CAMK2D: variants seen among roughly 807,000 people sequenced by gnomAD.
CAMK2D encodes calcium/calmodulin-dependent protein kinase type II subunit delta.
In CAMK2D, 37 loss-of-function variants were observed where a neutral mutation model predicts 84.0. The observed-to-expected ratio is 0.44, with a 90% CI of 0.34 to 0.58. The LOEUF (loss-of-function observed/expected upper bound fraction) is 0.58. Ranked by LOEUF, CAMK2D falls within the 20% of genes least tolerant of loss-of-function variation. The pLI is 0.02. For missense variants in CAMK2D, 448 were observed against 652.5 expected (o/e 0.69, Z 3.41); for synonymous variants, 202 against 212.5 (o/e 0.95, Z 0.43).
intron 16 of CAMK2D, 70 bp downstream of exon 16, chr4:113,500,393 A>T: frequency 1.1e-6 from 1 of 878,430 alleles, no homozygotes. Context: ...TAGTTATTTG[A>T]AGCACTTTTT....
intron 2 of CAMK2D, among the ~76,000 whole-genome samples, chr4:113,704,376 T>C (rs1412741291): frequency 6.6e-6 from 1 of 152,026 alleles, no homozygotes; most frequent in Non-Finnish European, 1.5e-5. Context: ...ATTGACTTTA[T>C]TGTTTTATAT....
rs188226334 is a variant in CAMK2D, at chr4:113,595,832, C to G, written c.275+13320G>C. 3.3e-5 allele frequency among the ~76,000 whole-genome samples: 5 copies of G among 152,298 alleles called. No individual in the cohort carries two copies. In the East Asian group the frequency reaches 9.6e-4, roughly 29 times the overall value. ...TTTTTACTGGTGGAGGTTCTCGCCT[C>G]AGTGTTGATGGTGCTGACTGATGGG... On this transcript the variant is annotated intron_variant, in intron 4 of 20. Transcript: ENST00000511664.
chr4:113,541,467 T>C (rs1342813404), intron 6 of CAMK2D, among the ~76,000 whole-genome samples: 1 of 152,232 alleles, frequency 6.6e-6, no homozygotes, highest in Non-Finnish European at 1.5e-5. Context: ...TATTAATAAA[T>C]TGATTTGGCA....
At chr4:113,483,152 C>G (rs1166265855) in intron 16 of CAMK2D, among the ~76,000 whole-genome samples, 1 of 152,166 alleles carries the variant, frequency 6.6e-6, no homozygotes, top group Non-Finnish European at 1.5e-5. Context: ...GGGAAATGCA[C>G]TAGCAGATAT....
At chr4:113,734,407 T>C (rs1335332383) in intron 2 of CAMK2D, among the ~76,000 whole-genome samples, 1 of 152,194 alleles carries the variant, frequency 6.6e-6, no homozygotes, top group Non-Finnish European at 1.5e-5. Flanking sequence ...TTTACAAATT[T>C]GCAAAATAAT....
At chr4:113,566,787 A>G (rs143344004) in intron 4 of CAMK2D, among the ~76,000 whole-genome samples, 57 of 152,314 alleles carry the variant, frequency 3.7e-4, no homozygotes, top group African/African-American at 1.4e-3. Context: ...CTGAAACATC[A>G]TAGCAACCAT....
At chr4:113,585,126 C>CCA (rs1331321786) in intron 4 of CAMK2D, among the ~76,000 whole-genome samples, 9 of 152,156 alleles carry the variant, frequency 5.9e-5, no homozygotes, top group Non-Finnish European at 1.3e-4. Flanking sequence ...TTAATAGTCT[C>CCA]CACAATTTTT....
At chr4:113,527,257 T>C (rs1294583629) in intron 8 of CAMK2D, among the ~76,000 whole-genome samples, 1 of 148,202 alleles carries the variant, frequency 6.7e-6, no homozygotes, top group Non-Finnish European at 1.5e-5. Context: ...ATTTTAGCAA[T>C]ACAGTTTTTT....
At chr4:113,760,908 C>T in intron 1 of CAMK2D, 96 bp downstream of exon 1, 1 of 1,513,212 alleles carries the variant, frequency 6.6e-7, no homozygotes, top group South Asian at 1.1e-5. Flanking sequence ...CTCTCCCAAA[C>T]TCCCTCGCCC....
At chr4:113,600,133 G>A (rs1443687836) in intron 4 of CAMK2D, among the ~76,000 whole-genome samples, 4 of 152,158 alleles carry the variant, frequency 2.6e-5, no homozygotes, top group Admixed American at 6.5e-5. Flanking sequence ...GAAGTTGGGG[G>A]TAAGGAGGAC....
chr4:113,727,368 TAC>T (rs1384611731), intron 2 of CAMK2D, among the ~76,000 whole-genome samples: 2 of 152,120 alleles, frequency 1.3e-5, no homozygotes, highest in African/African-American at 4.8e-5. Context: ...AATTTATCAG[TAC>T]AGTGTCCAGA....
At chr4:113,617,069 A>T (rs1315398476) in intron 3 of CAMK2D, among the ~76,000 whole-genome samples, 1 of 152,132 alleles carries the variant, frequency 6.6e-6, no homozygotes, top group East Asian at 1.9e-4. Context: ...TTGATTGGTG[A>T]TTCCAACTTT....
intron 3 of CAMK2D, among the ~76,000 whole-genome samples, chr4:113,642,760 C>T (rs185850555): frequency 6.6e-5 from 10 of 150,912 alleles, no homozygotes; most frequent in East Asian, 1.9e-4. Context: ...AAGATGGAGT[C>T]GCGCTCTGCT....
chr4:113,688,910 C>CA (rs34196728), intron 2 of CAMK2D, among the ~76,000 whole-genome samples: 1,621 of 49,560 alleles, frequency 0.033, 32 homozygotes, highest in Non-Finnish European at 0.049. Context: ...AAAGAAGATG[C>CA]AAAAAAAAAA....
At chr4:113,620,311 T>C (rs1446176822) in intron 3 of CAMK2D, among the ~76,000 whole-genome samples, 2 of 151,984 alleles carry the variant, frequency 1.3e-5, no homozygotes, top group East Asian at 3.9e-4. Context: ...CAACAATAAA[T>C]GAACAGAGAT....
chr4:113,498,050 T>C (rs1213630650), intron 16 of CAMK2D, among the ~76,000 whole-genome samples: 1 of 152,182 alleles, frequency 6.6e-6, no homozygotes, highest in East Asian at 1.9e-4. Flanking sequence ...ATTTAACTGA[T>C]AGTAATTGTG....
intron 2 of CAMK2D, among the ~76,000 whole-genome samples, chr4:113,697,963 A>G (rs2099407741): frequency 6.6e-6 from 1 of 152,102 alleles, no homozygotes; most frequent in African/African-American, 2.4e-5. Context: ...GATGTTCCTC[A>G]ACTTATTATA....
intron 16 of CAMK2D, among the ~76,000 whole-genome samples, chr4:113,488,476 C>T (rs2097787842): frequency 6.6e-6 from 1 of 151,982 alleles, no homozygotes; most frequent in African/African-American, 2.4e-5. Flanking sequence ...CTTAGCGTTT[C>T]GATAATGGAA....
chr4:113,754,498 C>G (rs1409395517), intron 2 of CAMK2D: 1 of 931,452 alleles, frequency 1.1e-6, no homozygotes, highest in Non-Finnish European at 1.3e-6. Flanking sequence ...TCAGTTTATT[C>G]AACATTTCAA....
Sources: allele counts gnomAD v4.1 joint callset (sites outside exome capture counted in the v4.1 genomes callset), GRCh38; gene constraint gnomAD v4.1.1; transcripts MANE v1.5; gene names NCBI Gene and HGNC (gene_info 2026-07-23, HGNC 2026-07-21).